CTNNA3: variants seen among roughly 807,000 people sequenced by gnomAD.
CTNNA3 encodes the protein catenin alpha 3.
A neutral mutation model predicts 95.7 loss-of-function variants in CTNNA3; 76 were observed. The observed-to-expected ratio is 0.79, with a 90% CI of 0.66 to 0.96. CTNNA3 has a LOEUF of 0.96. CTNNA3 is among the 40% of genes least tolerant of loss of function. CTNNA3 has a pLI of 0.00. For missense variants in CTNNA3, 1,191 were observed against 1,089.8 expected, an observed-to-expected ratio of 1.09 and a Z score of -1.31; for synonymous variants, 431 against 374.4, an observed-to-expected ratio of 1.15 and a Z score of -1.74.
intron 7 of CTNNA3, among the ~76,000 whole-genome samples, chr10:66,830,479 A>G (rs895059902): frequency 6.6e-6 from 1 of 152,204 alleles, no homozygotes; most frequent in African/African-American, 2.4e-5. Context: ...CATTACTAGC[A>G]AAACTGGGGT....
chr10:65,958,396 C>T (rs186563280), intron 17 of CTNNA3, among the ~76,000 whole-genome samples: 94 of 152,310 alleles, frequency 6.2e-4, no homozygotes, highest in Non-Finnish European at 4.4e-5. Context: ...CTCAACTCGT[C>T]AAAGTCATTC....
At chr10:66,212,756 C>T (rs925919696) in intron 13 of CTNNA3, among the ~76,000 whole-genome samples, 1 of 152,208 alleles carries the variant, frequency 6.6e-6, no homozygotes, top group Non-Finnish European at 1.5e-5. Context: ...ATAATCCCAG[C>T]ACTTTGGGAG....
At chr10:66,446,599 A>C (rs1231815825) in intron 11 of CTNNA3, among the ~76,000 whole-genome samples, 1 of 152,066 alleles carries the variant, frequency 6.6e-6, no homozygotes, top group Admixed American at 6.5e-5. Context: ...ATAGATGCAG[A>C]AAAGGCCTTT....
chr10:66,678,660 C>G (rs1258871675), intron 9 of CTNNA3, among the ~76,000 whole-genome samples: 2 of 152,194 alleles, frequency 1.3e-5, no homozygotes, highest in African/African-American at 4.8e-5. Flanking sequence ...ATCTGGTGAT[C>G]TGGCTGTAAT....
chr10:66,499,806 CTT>C (rs34040723), intron 11 of CTNNA3, among the ~76,000 whole-genome samples: 14 of 140,620 alleles, frequency 1.0e-4, no homozygotes, highest in Non-Finnish European at 1.4e-4. Flanking sequence ...GTTGCATTTC[CTT>C]TTTTTTTTTT....
chr10:66,532,519 C>T (rs1354486460), intron 10 of CTNNA3, among the ~76,000 whole-genome samples: 2 of 150,812 alleles, frequency 1.3e-5, no homozygotes, highest in Non-Finnish European at 2.9e-5. Flanking sequence ...TGGGATTAGA[C>T]ATATTCTTTG....
intron 13 of CTNNA3, among the ~76,000 whole-genome samples, chr10:66,166,563 CA>C (rs2085144673): frequency 7.0e-6 from 1 of 143,070 alleles, no homozygotes; most frequent in South Asian, 2.2e-4. Flanking sequence ...TGGTTAAAAA[CA>C]AAAAGCAAAA....
At chr10:66,680,569 T>A (rs1847033028) in intron 9 of CTNNA3, among the ~76,000 whole-genome samples, 1 of 152,188 alleles carries the variant, frequency 6.6e-6, no homozygotes, top group Non-Finnish European at 1.5e-5. Context: ...GGATATGGGA[T>A]GTATTTTATC....
At chr10:66,422,783 C>T (rs192824968) in intron 11 of CTNNA3, among the ~76,000 whole-genome samples, 1 of 151,946 alleles carries the variant, frequency 6.6e-6, no homozygotes, top group Non-Finnish European at 1.5e-5. Flanking sequence ...TTTCACTCCA[C>T]CACACCTGGT....
chr10:67,661,122 T>C (rs774973481), intron 1 of CTNNA3, among the ~76,000 whole-genome samples: 2 of 152,000 alleles, frequency 1.3e-5, no homozygotes, highest in South Asian at 4.1e-4. Context: ...TACATGTATA[T>C]GTATATGTAT....
At chr10:66,788,545 T>C (rs748852042) in intron 7 of CTNNA3, among the ~76,000 whole-genome samples, 4 of 152,178 alleles carry the variant, frequency 2.6e-5, no homozygotes, top group Non-Finnish European at 4.4e-5. Context: ...GCAGTGTGGC[T>C]CAGAGAGCCA....
At chr10:66,742,023 C>G (rs530666973) in intron 9 of CTNNA3, among the ~76,000 whole-genome samples, 69 of 152,264 alleles carry the variant, frequency 4.5e-4, no homozygotes, top group African/African-American at 1.5e-3. Flanking sequence ...AACAGGATAA[C>G]AGCAATGTTC....
intron 6 of CTNNA3, among the ~76,000 whole-genome samples, chr10:67,189,741 A>G (rs2132170295): frequency 6.6e-6 from 1 of 152,256 alleles, no homozygotes; most frequent in East Asian, 1.9e-4. Context: ...CTTGAAAACA[A>G]GTCAAAGAGA....
At chr10:67,141,113 T>C (rs574014608) in intron 7 of CTNNA3, among the ~76,000 whole-genome samples, 28 of 152,214 alleles carry the variant, frequency 1.8e-4, no homozygotes, top group Non-Finnish European at 2.8e-4. Context: ...GTCTCAAAGA[T>C]AATATTTGGT....
chr10:67,309,414 G>A (rs1268868318), intron 5 of CTNNA3, among the ~76,000 whole-genome samples: 4 of 152,128 alleles, frequency 2.6e-5, no homozygotes, highest in Non-Finnish European at 4.4e-5. Context: ...GAAAAGGTAT[G>A]GGAGGTGGAA....
At chr10:67,747,347 C>T (rs1841379850) in intron 1 of CTNNA3, among the ~76,000 whole-genome samples, 1 of 152,214 alleles carries the variant, frequency 6.6e-6, no homozygotes, top group South Asian at 2.1e-4. Context: ...ACACCTTATA[C>T]AGGAGCATTC....
intron 10 of CTNNA3, among the ~76,000 whole-genome samples, chr10:66,559,123 C>A (rs1842475551): frequency 6.6e-6 from 1 of 152,028 alleles, no homozygotes; most frequent in Non-Finnish European, 1.5e-5. Flanking sequence ...TTCCTTTGCA[C>A]CAGAACCTCC....
At chr10:66,229,587 T>C (rs1005599162) in intron 13 of CTNNA3, among the ~76,000 whole-genome samples, 9 of 152,264 alleles carry the variant, frequency 5.9e-5, no homozygotes, top group Admixed American at 5.9e-4. Flanking sequence ...TGCTGAGAAA[T>C]CTTCTGTTAG....
intron 12 of CTNNA3, among the ~76,000 whole-genome samples, chr10:66,339,696 A>C (rs145126751): frequency 6.6e-6 from 1 of 151,828 alleles, no homozygotes; most frequent in South Asian, 2.1e-4. Context: ...TCTTTCCTGT[A>C]GTGAAAAGGG....
Sources: allele counts gnomAD v4.1 joint callset (sites outside exome capture counted in the v4.1 genomes callset), GRCh38; gene constraint gnomAD v4.1.1; transcripts MANE v1.5; gene names NCBI Gene and HGNC (gene_info 2026-07-23, HGNC 2026-07-21).